Variants in RBFOX3 observed in about 807,000 individuals in gnomAD.
The protein encoded by RBFOX3 is RNA binding protein fox-1 homolog 3.
A neutral mutation model predicts 48.7 loss-of-function variants in RBFOX3; 17 were observed. The ratio of observed to expected loss-of-function variants is 0.35; its 90% CI spans 0.24 to 0.52. RBFOX3 has a LOEUF of 0.52. Ranked by LOEUF, RBFOX3 falls within the 20% of genes least tolerant of loss-of-function variation. The pLI is 0.94. For missense variants in RBFOX3, 382 were observed against 497.5 expected (o/e 0.77, Z 2.21); for synonymous variants, 212 against 209.5 (o/e 1.01, Z -0.10).
chr17:79,329,871 G>C (rs62061501), intron 2 of RBFOX3, among the ~76,000 whole-genome samples: 14,869 of 152,192 alleles, frequency 0.098, 1,408 homozygotes, highest in African/African-American at 0.26. Context: ...AGGGTCCCAC[G>C]CAGAGTCCGG....
At position 79,249,212 on chromosome 17, in the gene RBFOX3, G is replaced by A. The variant is rs1259119300; in HGVS notation, c.-73-13407C>T. Among the ~76,000 whole-genome samples the A allele has an allele frequency of 1.3e-5, 2 of 152,164 alleles. No individual in the cohort carries two copies. The highest frequency in any genetic ancestry group is 4.8e-5 in the African/African-American group (2 of 41,446). On this transcript the variant is annotated intron_variant, in intron 3 of 14. Transcript: ENST00000693108. The surrounding 1 kb of genome is among the most constrained non-coding windows in gnomAD (Gnocchi z 4.1). ...AGGAACTGCTGCTTGCTGGGGCGTCGAAAGCCAAGCGCGCTCAGGTCTTCA... is the reference window on the plus strand; with the variant it reads ...AGGAACTGCTGCTTGCTGGGGCGTCAAAAGCCAAGCGCGCTCAGGTCTTCA...
chr17:79,167,920 G>C (rs1427929331), intron 4 of RBFOX3, among the ~76,000 whole-genome samples: 1 of 152,234 alleles, frequency 6.6e-6, no homozygotes, highest in Admixed American at 6.5e-5. Context: ...TTCCGAGGAG[G>C]GGGCAGGACA....
intron 3 of RBFOX3, among the ~76,000 whole-genome samples, chr17:79,293,252 A>G (rs1210003383): frequency 2.6e-5 from 4 of 152,200 alleles, no homozygotes; most frequent in Admixed American, 1.3e-4. Flanking sequence ...ACATGGGGCC[A>G]ACAAAAATGT....
intron 9 of RBFOX3, chr17:79,098,680 T>C (rs2075869352): frequency 6.6e-6 from 1 of 152,320 alleles, no homozygotes; most frequent in Non-Finnish European, 1.5e-5. Flanking sequence ...ACCAGCTGCC[T>C]TGCAGTGGGC....
intron 1 of RBFOX3, among the ~76,000 whole-genome samples, chr17:79,551,773 C>T (rs1483489602): frequency 6.6e-6 from 1 of 152,208 alleles, no homozygotes; most frequent in Non-Finnish European, 1.5e-5. Flanking sequence ...CCATGTGACA[C>T]TCTGGCTCCC....
At chr17:79,156,042 G>A (rs9903870) in intron 4 of RBFOX3, among the ~76,000 whole-genome samples, 12,231 of 152,258 alleles carry the variant, frequency 0.08, 801 homozygotes, top group East Asian at 0.24. Context: ...CTCGTCCCTC[G>A]GCCAGGCCTA....
At chr17:79,161,053 G>A (rs1199923232) in intron 4 of RBFOX3, among the ~76,000 whole-genome samples, 2 of 152,014 alleles carry the variant, frequency 1.3e-5, no homozygotes, top group East Asian at 3.9e-4. Context: ...CCCAGGCAAG[G>A]AAGATGTCTA....
chr17:79,379,039 G>A (rs951330288), intron 2 of RBFOX3, among the ~76,000 whole-genome samples: 1 of 152,170 alleles, frequency 6.6e-6, no homozygotes, highest in East Asian at 1.9e-4. Context: ...CCTGGGGAGG[G>A]GGATTCTCAA....
rs1291698450 is a variant in RBFOX3 at position 79,473,643 on chromosome 17, C to G, written c.-175+8811G>C. 1.3e-5 allele frequency among the ~76,000 whole-genome samples: 2 copies of G among 152,188 alleles called. No individual in the cohort carries two copies. The highest frequency in any genetic ancestry group is 2.9e-5 in the Non-Finnish European group (2 of 68,034). On this transcript the variant is annotated intron_variant, in intron 2 of 14. Coordinates refer to ENST00000693108, the MANE Select transcript of RBFOX3 (RefSeq NM_001350451.2). This position sits in a 1 kb window ranked among gnomAD's most constrained non-coding sequence, Gnocchi z 4.2. ...TAATGTTGACATCCTGATGAACCCC[C>G]GCTGGTGACGGCAGGTGGCCACACC...
chr17:79,478,151 G>T (rs1250695862), intron 2 of RBFOX3, among the ~76,000 whole-genome samples: 1 of 152,218 alleles, frequency 6.6e-6, no homozygotes, highest in Non-Finnish European at 1.5e-5. Flanking sequence ...AGCCCTCAAG[G>T]GTGCCATGCT....
chr17:79,173,038 A>T (rs560074617), intron 4 of RBFOX3, among the ~76,000 whole-genome samples: 2 of 152,202 alleles, frequency 1.3e-5, no homozygotes. Context: ...GTGAAACCCC[A>T]TCTCTACTAA....
intron 2 of RBFOX3, among the ~76,000 whole-genome samples, chr17:79,478,280 G>A (rs2149454028): frequency 6.6e-6 from 1 of 152,334 alleles, no homozygotes; most frequent in Non-Finnish European, 1.5e-5. Context: ...GTCATGTGTT[G>A]CCGCTCATGG....
chr17:79,367,869 G>A (rs766960310), intron 2 of RBFOX3, among the ~76,000 whole-genome samples: 7 of 152,202 alleles, frequency 4.6e-5, no homozygotes, highest in Non-Finnish European at 8.8e-5. Context: ...ACAATCCACC[G>A]ACAATCGTTC....
chr17:79,298,448 C>T (rs982047588), intron 3 of RBFOX3: 1 of 152,202 alleles, frequency 6.6e-6, no homozygotes, highest in African/African-American at 2.4e-5. Context: ...AGACAAGCAA[C>T]CTTTGACTAA....
In RBFOX3 at chr17:79,160,074, C is replaced by T. The variant is rs76842604; in HGVS notation, c.-33-44326G>A. Among the ~76,000 whole-genome samples the T allele has an allele frequency of 2.6e-3, 395 of 152,370 alleles. 3 individuals carry two copies. The highest frequency in any genetic ancestry group is 8.3e-3 in the African/African-American group (344 of 41,588). On this transcript the variant is annotated intron_variant, in intron 4 of 14. Coordinates refer to ENST00000693108, the MANE Select transcript of RBFOX3 (RefSeq NM_001350451.2). ...CAGCAAGGGCTGCCTTCCCCAGGAA[C>T]GCTCCGCTCGAGTAGTAAGTGACTG...
chr17:79,620,158 C>T, the RBFOX3 span, among the ~76,000 whole-genome samples: 6 of 33,944 alleles, frequency 1.8e-4, no homozygotes, highest in Non-Finnish European at 2.4e-4. Flanking sequence ...CATGCACGCG[C>T]GGACATGCAC....
At chr17:79,229,649 C>CT (rs1362922384) in intron 4 of RBFOX3, among the ~76,000 whole-genome samples, 2 of 151,640 alleles carry the variant, frequency 1.3e-5, no homozygotes, top group Admixed American at 6.6e-5. Context: ...CAGAGAGCTC[C>CT]TTTGGGGTGG....
Position 79,443,809 on chromosome 17 carries a change from G to A in RBFOX3, c.-175+38645C>T, listed in dbSNP as rs1555736446. 6.6e-6 allele frequency among the ~76,000 whole-genome samples: 1 copy of A among 152,112 alleles called. No homozygotes were observed. The highest frequency in any genetic ancestry group is 2.4e-5 in the African/African-American group (1 of 41,418). On this transcript the variant is annotated intron_variant, in intron 2 of 14. Coordinates refer to ENST00000693108, the MANE Select transcript of RBFOX3 (RefSeq NM_001350451.2). This position sits in a 1 kb window ranked among gnomAD's most constrained non-coding sequence, Gnocchi z 4.4. ...TCCCTCGGCCCCCGACCCTTTATTT[G>A]CTGAGCCCCAGAGTGACCCTCTGGG...
intron 2 of RBFOX3, among the ~76,000 whole-genome samples, chr17:79,461,182 G>C (rs1202885566): frequency 6.6e-6 from 1 of 152,216 alleles, no homozygotes; most frequent in Non-Finnish European, 1.5e-5. Context: ...GGGATCCTGA[G>C]GACCCAGCGT....
Sources: allele counts gnomAD v4.1 joint callset (sites outside exome capture counted in the v4.1 genomes callset), GRCh38; gene constraint gnomAD v4.1.1; non-coding constraint Gnocchi (gnomAD v3.1); transcripts MANE v1.5; gene names NCBI Gene and HGNC (gene_info 2026-07-23, HGNC 2026-07-21).